CD164: variants seen among roughly 807,000 people sequenced by gnomAD.
The protein encoded by CD164 is sialomucin core protein 24.
In CD164, 11 loss-of-function variants were observed where a neutral mutation model predicts 24.6. The ratio of observed to expected loss-of-function variants is 0.45; its 90% CI spans 0.28 to 0.74. The LOEUF (loss-of-function observed/expected upper bound fraction) is 0.74, where lower values mean the gene tolerates loss of function less well. CD164 is among the 30% of genes least tolerant of loss of function. The pLI, the probability that CD164 is intolerant of heterozygous loss-of-function variation, is 0.13. For missense variants in CD164, 295 were observed against 243.7 expected, an observed-to-expected ratio of 1.21 and a Z score of -1.40; for synonymous variants, 126 against 100.3, an observed-to-expected ratio of 1.26 and a Z score of -1.53.
chr6:109,368,090 C>G lies in CD164; in HGVS notation c.*761G>C, dbSNP rs1770868191. 2.2e-6 allele frequency: 1 copy of G among 457,032 alleles called. No homozygotes were observed. Among genetic ancestry groups the G allele is most frequent in the South Asian group, 4.6e-5 (1 of 21,642 alleles). The allele number at this position is 457,032 out of a possible 1,614,324, so 28.3% of individuals were successfully genotyped here. ...CAGTATGATATCTAAAACAGGTTTA[C>G]TACTGCTCACATCAAGTTACATCCT... On this transcript the variant is annotated 3_prime_UTR_variant, in exon 6 of 6. Transcript: ENST00000310786.
chr6:109,369,341 T>C (rs991132307), intron 5 of CD164, among the ~76,000 whole-genome samples: 1 of 152,244 alleles, frequency 6.6e-6, no homozygotes. Flanking sequence ...CTATGTACTT[T>C]TAGTTAATTG....
chr6:109,370,625 G>A, intron 4 of CD164, 158 bp from the exon 5 acceptor site: 1 of 584,658 alleles, frequency 1.7e-6, no homozygotes, highest in South Asian at 2.0e-5. Context: ...ACATAGCTAT[G>A]CACCCAAGAA....
At chr6:109,378,334 C>A (rs534981126) in intron 2 of CD164, among the ~76,000 whole-genome samples, 1 of 152,094 alleles carries the variant, frequency 6.6e-6, no homozygotes, top group Non-Finnish European at 1.5e-5. Context: ...ATAATCTCAG[C>A]ACTTTGGGAG....
intron 4 of CD164, chr6:109,371,873 G>A (rs1771091710): frequency 6.6e-6 from 1 of 152,416 alleles, no homozygotes; most frequent in African/African-American, 2.4e-5. Flanking sequence ...TTATGCTGGT[G>A]GGCCGCTAGG....
chr6:109,370,796 T>C (rs1008130579), intron 4 of CD164: 2 of 217,958 alleles, frequency 9.2e-6, no homozygotes, highest in South Asian at 6.9e-5. Flanking sequence ...GAGGAAACTA[T>C]AGGTTCTTCA....
intron 3 of CD164, among the ~76,000 whole-genome samples, chr6:109,377,173 C>A (rs9487079): frequency 0.016 from 2,427 of 152,242 alleles, 65 homozygotes; most frequent in African/African-American, 0.056. Context: ...ATATTATGCA[C>A]CCTGTGTGAA....
At chr6:109,379,965 G>T in intron 1 of CD164, 1 of 216,490 alleles carries the variant, frequency 4.6e-6, no homozygotes, top group Non-Finnish European at 9.2e-6. Flanking sequence ...AAGGATTTAG[G>T]CATTTCAAAG....
intron 1 of CD164, 134 bp downstream of exon 1, chr6:109,382,070 G>A: frequency 1.4e-6 from 1 of 712,956 alleles, no homozygotes; most frequent in Non-Finnish European, 1.9e-6. Flanking sequence ...CATGTTGCCG[G>A]AGTCGCCGCC....
chr6:109,367,014 TG>T lies in CD164; in HGVS notation c.*1836del, dbSNP rs1770796363. 6.6e-6 allele frequency: 1 copy of T among 152,340 alleles called. No individual in the cohort carries two copies. The highest frequency in any genetic ancestry group is 1.5e-5 in the Non-Finnish European group (1 of 68,018). The allele number at this position is 152,340 out of a possible 1,614,324, so 9.4% of individuals were successfully genotyped here. A position where few individuals can be genotyped will look rare whatever the true frequency, so the allele number is the denominator to read the frequency against. On this transcript the variant is annotated 3_prime_UTR_variant, in exon 6 of 6. Transcript: ENST00000310786. ...TCAGTATAGCTAATTTTTGCCACCT[TG>T]GGAGGAATGGAATTCTGCCTATTTT... is the stretch of plus-strand genomic sequence containing the variant.
chr6:109,382,147 G>A, intron 1 of CD164, 57 bp downstream of exon 1: 6 of 1,371,648 alleles, frequency 4.4e-6, no homozygotes, highest in Non-Finnish European at 5.7e-6. Context: ...ACGGCGAGGA[G>A]GCAGTGCGGC....
At chr6:109,380,700 G>A (rs1017452656) in intron 1 of CD164, among the ~76,000 whole-genome samples, 3 of 152,180 alleles carry the variant, frequency 2.0e-5, no homozygotes, top group Non-Finnish European at 2.9e-5. Context: ...CTACCTTTCA[G>A]ACCACACTAC....
At position 109,367,686 on chromosome 6, in the gene CD164, G is replaced by T. The variant is rs1016623633; in HGVS notation, c.*1165C>A. ...AACCTGATCAACCAAAAAATCCTTA[G>T]GTGTTGTGAAATTACATTGGTCACT... On this transcript the variant is annotated 3_prime_UTR_variant, in exon 6 of 6. Transcript: ENST00000310786. 2.6e-5 allele frequency: 4 copies of T among 152,472 alleles called. No homozygotes were observed. The highest frequency in any genetic ancestry group is 2.0e-4 in the Admixed American group (3 of 15,274). 9.4% of individuals were successfully genotyped at this position (152,472 alleles called of 1,614,324 possible).
At chr6:109,379,171 A>T (rs575437184) in intron 2 of CD164, among the ~76,000 whole-genome samples, 2 of 152,164 alleles carry the variant, frequency 1.3e-5, no homozygotes, top group Non-Finnish European at 2.9e-5. Flanking sequence ...CTTCACTCAC[A>T]GCTAATTCCA....
chr6:109,381,774 G>A (rs974382090), intron 1 of CD164: 4 of 574,742 alleles, frequency 7.0e-6, no homozygotes, highest in African/African-American at 3.8e-5. Flanking sequence ...GCGCCGGGAG[G>A]GTGAACAACC....
At position 109,377,962 on chromosome 6, in the gene CD164, T is replaced by A. The variant is rs192734268; in HGVS notation, c.269A>T (p.Tyr90Phe). The change falls in exon 3 of 6, where the codon TAT (tyrosine) becomes TTT (phenylalanine). Residue 90 changes from tyrosine (Y) to phenylalanine (F), a missense_variant. Coordinates refer to ENST00000310786, the MANE Select transcript of CD164 (RefSeq NM_006016.6). ...ACTAACTGTTGAGTTATGTGAACAATAGCTCTCATCTGTTGGGGGGCAGGG... is the reference window on the plus strand; with the variant it reads ...ACTAACTGTTGAGTTATGTGAACAAAAGCTCTCATCTGTTGGGGGGCAGGG... ...CFWIECKDESYCSHNSTVSDC... is the reference protein window; with the variant it reads ...CFWIECKDESFCSHNSTVSDC... 6.2e-7 allele frequency: 1 copy of A among 1,613,316 alleles called. No homozygotes were observed. Among genetic ancestry groups the A allele is most frequent in the Non-Finnish European group, 8.5e-7 (1 of 1,179,564 alleles).
chr6:109,371,727 G>C (rs1237450357), intron 4 of CD164: 4 of 153,740 alleles, frequency 2.6e-5, no homozygotes, highest in African/African-American at 9.6e-5. Flanking sequence ...TTCATTAAGA[G>C]GTTGTCCTAA....
rs532281775 is a variant in CD164 at position 109,381,393 on chromosome 6, G to A, written c.175+811C>T. 1.8e-5 allele frequency: 12 copies of A among 663,910 alleles called. No individual in the cohort carries two copies. The African/African-American group carries it at 2.0e-4, about 11-fold the overall frequency. 41.1% of individuals were successfully genotyped at this position (663,910 alleles called of 1,614,324 possible). ...ACTAAACATACGCTATCTGAGCACA[G>A]GACATAGTTAAGAAAATTTTAAAAA... On this transcript the variant is annotated intron_variant, in intron 1 of 5. Transcript: ENST00000310786.
At chr6:109,373,416 A>G (rs1286621188) in intron 4 of CD164, among the ~76,000 whole-genome samples, 1 of 152,210 alleles carries the variant, frequency 6.6e-6, no homozygotes, top group East Asian at 1.9e-4. Context: ...CATGCCCGGA[A>G]AAGAAACCGC....
At position 109,379,620 on chromosome 6, in the gene CD164, A is replaced by T. The variant is rs766438480; in HGVS notation, c.218T>A (p.Val73Asp). 38 of 1,613,632 alleles carry T rather than the reference A, an allele frequency of 2.4e-5. No individual in the cohort carries two copies. The East Asian group carries it at 8.2e-4, about 35-fold the overall frequency. ...AAAGCAGGTAGTATTAACAACGCTAACATTAAAACAGGAAACGCAGCTGTT... is the reference window on the plus strand; with the variant it reads ...AAAGCAGGTAGTATTAACAACGCTATCATTAAAACAGGAAACGCAGCTGTT... ...GRNSCVSCFN[V>D]SVVNTTCFWI... The change falls in exon 2 of 6, where the codon GTT (valine) becomes GAT (aspartate). Residue 73 changes from valine to aspartate, a missense_variant. Coordinates refer to ENST00000310786, the MANE Select transcript of CD164 (RefSeq NM_006016.6).
Sources: allele counts gnomAD v4.1 joint callset (sites outside exome capture counted in the v4.1 genomes callset), GRCh38; gene constraint gnomAD v4.1.1; transcripts MANE v1.5; gene names NCBI Gene and HGNC (gene_info 2026-07-23, HGNC 2026-07-21).